ARHGAP29: variants seen among roughly 807,000 people sequenced by gnomAD.
ARHGAP29 encodes rho GTPase-activating protein 29.
Under a neutral mutation model 122.6 loss-of-function variants are expected in ARHGAP29, and 43 were observed. The ratio of observed to expected loss-of-function variants is 0.35; its 90% CI spans 0.27 to 0.45. ARHGAP29 has a LOEUF of 0.45. Ranked by LOEUF, ARHGAP29 falls within the 20% of genes least tolerant of loss-of-function variation. The pLI is 1.00. For synonymous variants in ARHGAP29, 506 were observed against 497.1 expected (o/e 1.02, Z -0.24); for missense variants, 1,303 against 1,477.2 (o/e 0.88, Z 1.93).
chr1:94,313,562 AAGAC>A, the ARHGAP29 span, among the ~76,000 whole-genome samples: 1 of 152,210 alleles, frequency 6.6e-6, no homozygotes, highest in Non-Finnish European at 1.5e-5. Flanking sequence ...ACCATTGTGG[AAGAC>A]AGTGTGGTAC....
upstream of ARHGAP29, among the ~76,000 whole-genome samples, chr1:94,276,307 A>G (rs1254751928): frequency 6.6e-6 from 1 of 152,146 alleles, no homozygotes; most frequent in Non-Finnish European, 1.5e-5. Flanking sequence ...TTATTGCTTA[A>G]CTTCAGAGCA....
At chr1:94,181,015 A>C (rs991543230) in intron 19 of ARHGAP29, among the ~76,000 whole-genome samples, 2 of 152,240 alleles carry the variant, frequency 1.3e-5, no homozygotes, top group African/African-American at 4.8e-5. Flanking sequence ...CTAACATGGT[A>C]AATCCAACAA....
chr1:94,313,340 C>T, the ARHGAP29 span, among the ~76,000 whole-genome samples: 1 of 152,208 alleles, frequency 6.6e-6, no homozygotes, highest in Non-Finnish European at 1.5e-5. Flanking sequence ...AAACAAGACC[C>T]TCTTTCTCCC....
At chr1:94,264,210 G>C (rs570930715) in intron 1 of ARHGAP29, among the ~76,000 whole-genome samples, 8 of 152,182 alleles carry the variant, frequency 5.3e-5, no homozygotes, top group Non-Finnish European at 1.2e-4. Context: ...GGCAACCCTT[G>C]ATTTCTTTCT....
At chr1:94,250,251 G>C (rs1279395461) in intron 1 of ARHGAP29, 9 of 152,122 alleles carry the variant, frequency 5.9e-5, no homozygotes, top group Admixed American at 5.9e-4. Context: ...GTTTAGGAGG[G>C]ACCCACATTG....
the ARHGAP29 span, among the ~76,000 whole-genome samples, chr1:94,298,303 A>G: frequency 1.3e-5 from 2 of 152,364 alleles, no homozygotes; most frequent in Admixed American, 1.3e-4. Flanking sequence ...TACCCATTAT[A>G]GAAAATATAA....
intron 4 of ARHGAP29, among the ~76,000 whole-genome samples, 171 bp from the exon 5 acceptor site, chr1:94,209,075 A>C (rs1651406952): frequency 6.6e-6 from 1 of 152,224 alleles, no homozygotes; most frequent in South Asian, 2.1e-4. Context: ...GTTGCTTCTA[A>C]ATAGCTATAA....
chr1:94,303,910 A>C, the ARHGAP29 span, among the ~76,000 whole-genome samples: 1 of 152,146 alleles, frequency 6.6e-6, no homozygotes, highest in Non-Finnish European at 1.5e-5. Flanking sequence ...AATATTTTTA[A>C]ATATTGCTTT....
At chr1:94,274,756 A>T (rs949821564) in intron 1 of ARHGAP29, among the ~76,000 whole-genome samples, 1 of 152,072 alleles carries the variant, frequency 6.6e-6, no homozygotes, top group Non-Finnish European at 1.5e-5. Flanking sequence ...TGCTCCCACC[A>T]CCCAGCTCCA....
At position 94,274,285 on chromosome 1, in the gene ARHGAP29, G is replaced by A. The variant is rs951350310; in HGVS notation, c.-33+727C>T. ...CATCAATGATAACATAAATGAATGA[G>A]CATGACTGTGGTCCAGTAAGACTTA... On this transcript the variant is annotated intron_variant and NMD_transcript_variant, in intron 1 of 25. Coordinates refer to the ARHGAP29 transcript ENST00000552844. Among the ~76,000 whole-genome samples the A allele has an allele frequency of 1.0e-3, 153 of 152,196 alleles. 3 individuals carry two copies. The highest frequency in any genetic ancestry group is 1.3e-4 in the Non-Finnish European group (9 of 68,042).
chr1:94,234,223 T>C (rs1296844041), intron 1 of ARHGAP29, among the ~76,000 whole-genome samples: 1 of 152,220 alleles, frequency 6.6e-6, no homozygotes, highest in Non-Finnish European at 1.5e-5. Context: ...TAACCATGTG[T>C]TCTCTGATCA....
chr1:94,302,736 G>A, the ARHGAP29 span: 1 of 377,758 alleles, frequency 2.6e-6, no homozygotes. Flanking sequence ...CACTGCCAAT[G>A]TGTCAGTCAT....
chr1:94,216,145 C>A (rs776538928), intron 3 of ARHGAP29, among the ~76,000 whole-genome samples: 1 of 152,128 alleles, frequency 6.6e-6, no homozygotes, highest in Non-Finnish European at 1.5e-5. Flanking sequence ...AACACACATG[C>A]TTGCTGATTC....
Position 94,177,666 on chromosome 1 carries a change from C to T in ARHGAP29, c.2851G>A (p.Glu951Lys). 1 of 1,613,450 alleles carries T rather than the reference C, an allele frequency of 6.2e-7. No homozygotes were observed. Among genetic ancestry groups the T allele is most frequent in the Non-Finnish European group, 8.5e-7 (1 of 1,179,812 alleles). ...SKIFERATSF[E>K]ESERKQNALG... ...GCATTTTGCTTGCGTTCTGATTCCT[C>T]AAATGATGTAGCTCGTTCAAAAATT... The change falls in exon 22 of 23, where the codon GAG (glutamate) becomes AAG (lysine). Residue 951 changes from glutamate (E) to lysine (K), a missense_variant. By Grantham distance (56) the Glu-to-Lys change is moderately conservative. This residue lies in a region of ARHGAP29 where 620 missense variants were observed against 651.2 expected (regional missense o/e 0.95). Transcript: ENST00000260526.
chr1:94,196,308 C>CTGGA (rs1277245510), intron 12 of ARHGAP29, among the ~76,000 whole-genome samples: 1 of 120,952 alleles, frequency 8.3e-6, no homozygotes, highest in African/African-American at 3.1e-5. Context: ...GTCGCCCAGG[C>CTGGA]TGGAGTGCAG....
At position 94,174,261 on chromosome 1, in the gene ARHGAP29, C is replaced by T; in HGVS notation, c.3394G>A (p.Val1132Ile). ...TCAGATGCCTCTCTCACTGACCTGA[C>T]TGGCTCTGCATATGGCTTACTGGGT... is the stretch of plus-strand genomic sequence containing the variant. ...TQPSKPYAEP[V>I]RSVREASERR... The change falls in exon 23 of 23, where the codon GTC becomes ATC. Residue 1132 changes from valine (V) to isoleucine (I), a missense_variant. This residue lies in a region of ARHGAP29 where 620 missense variants were observed against 651.2 expected (regional missense o/e 0.95). Coordinates refer to ENST00000260526, the MANE Select transcript of ARHGAP29 (RefSeq NM_004815.4). The T allele has an allele frequency of 6.2e-7, 1 of 1,614,226 alleles. No homozygotes were observed. Among genetic ancestry groups the T allele is most frequent in the South Asian group, 1.1e-5 (1 of 91,086 alleles).
chr1:94,193,585 T>C (rs1358138712), intron 12 of ARHGAP29: 1 of 152,202 alleles, frequency 6.6e-6, no homozygotes, highest in Non-Finnish European at 1.5e-5. Flanking sequence ...TGATAATTCA[T>C]ATGATTACTG....
intron 1 of ARHGAP29, among the ~76,000 whole-genome samples, chr1:94,247,688 C>T (rs547390486): frequency 2.0e-5 from 3 of 151,676 alleles, no homozygotes; most frequent in Admixed American, 1.3e-4. Context: ...GGCCAAGTGG[C>T]AGCCGCAGCC....
In ARHGAP29 at chr1:94,174,040, T is replaced by G; in HGVS notation, c.3615A>C (p.Ser1205=). Residue 1205 remains serine (S), a synonymous_variant, in exon 23 of 23, where the codon TCA becomes TCC. Transcript: ENST00000260526. The part of the protein sequence containing the change: ...DHDPHGLVVK[S]MPDPDKASAC... Reference sequence around the variant, plus strand: ...CTGATGCTTTGTCTGGGTCTGGCATTGACTTCACCACGAGACCGTGGGGAT... The same window carrying G: ...CTGATGCTTTGTCTGGGTCTGGCATGGACTTCACCACGAGACCGTGGGGAT... 6.2e-7 allele frequency: 1 copy of G among 1,614,224 alleles called. No homozygotes were observed. Among genetic ancestry groups the G allele is most frequent in the Non-Finnish European group, 8.5e-7 (1 of 1,180,040 alleles).
Sources: allele counts gnomAD v4.1 joint callset (sites outside exome capture counted in the v4.1 genomes callset), GRCh38; gene constraint gnomAD v4.1.1; regional missense constraint gnomAD v4.1.1; transcripts MANE v1.5; gene names NCBI Gene and HGNC (gene_info 2026-07-23, HGNC 2026-07-21).